Variants in CDH6 observed in about 807,000 individuals in gnomAD.
CDH6 encodes cadherin 6.
CDH6 carries 31 observed loss-of-function variants against 78.0 expected under a neutral mutation model. That is an observed-to-expected ratio of 0.40 (90% CI 0.30 to 0.54). CDH6 has a LOEUF of 0.54. Among genes scored for constraint, CDH6 ranks in the 20% least tolerant of loss-of-function variants. The pLI, the probability that CDH6 is intolerant of heterozygous loss-of-function variation, is 0.56. For synonymous variants in CDH6, 376 were observed against 368.8 expected (o/e 1.02, Z -0.23); for missense variants, 724 against 975.9 (o/e 0.74, Z 3.44).
rs924269561 is a variant in CDH6 at position 31,277,039 on chromosome 5, C to T, written c.228+9338C>T. 2.5e-4 allele frequency among the ~76,000 whole-genome samples: 38 copies of T among 152,122 alleles called. 1 individual carries two copies. Among genetic ancestry groups the T allele is most frequent in the Non-Finnish European group, 4.4e-5 (3 of 68,032 alleles). ...CCCACTGATGGCCAATGTTGTGAAG[C>T]CAAGTATTATGGGTCAGAAGATGCT... On this transcript the variant is annotated intron_variant, in intron 2 of 11. Coordinates refer to ENST00000265071, the MANE Select transcript of CDH6 (RefSeq NM_004932.4).
Position 31,294,800 on chromosome 5 carries a change from T to G in CDH6, c.523+544T>G. On this transcript the variant is annotated intron_variant, in intron 3 of 11. Transcript: ENST00000265071. The surrounding 1 kb of genome is among the most constrained non-coding windows in gnomAD (Gnocchi z 4.1). ...ACTACATGGTGGAAATGAAAAGACT[T>G]TCATAACATACATAGAGTGAATTAA... Among the ~76,000 whole-genome samples the G allele has an allele frequency of 6.6e-6, 1 of 152,160 alleles. No homozygotes were observed. Among genetic ancestry groups the G allele is most frequent in the East Asian group, 1.9e-4 (1 of 5,194 alleles).
intron 6 of CDH6, among the ~76,000 whole-genome samples, chr5:31,302,790 GAGAGAGAGAGA>G (rs1369095355): frequency 1.0e-5 from 1 of 95,320 alleles, no homozygotes; most frequent in African/African-American, 4.6e-5. Flanking sequence ...GAGAGAGAGA[GAGAGAGAGAGA>G]AAGAAAGAAA....
chr5:31,311,534 T>A (rs1007903215), intron 7 of CDH6, among the ~76,000 whole-genome samples: 10 of 152,186 alleles, frequency 6.6e-5, no homozygotes, highest in African/African-American at 2.4e-4. Context: ...TTTATAGCAG[T>A]CCCCCACTTT....
At chr5:31,275,545 T>C (rs1374512496) in intron 2 of CDH6, among the ~76,000 whole-genome samples, 3 of 152,240 alleles carry the variant, frequency 2.0e-5, no homozygotes, top group African/African-American at 7.2e-5. Context: ...CATTCTTTTT[T>C]ATGGCTGCAT....
chr5:31,304,730 G>C (rs961049430), intron 6 of CDH6, among the ~76,000 whole-genome samples: 1 of 148,684 alleles, frequency 6.7e-6, no homozygotes, highest in African/African-American at 2.5e-5. Flanking sequence ...CATCTGACAT[G>C]GAATAACCCA....
rs151316656 is a variant in CDH6 at position 31,244,536 on chromosome 5, C to T, written c.-128-22810C>T. 6.8e-4 allele frequency among the ~76,000 whole-genome samples: 104 copies of T among 152,036 alleles called. 2 individuals carry two copies. In the East Asian group the frequency reaches 0.018, roughly 26 times the overall value. On this transcript the variant is annotated intron_variant, in intron 1 of 11. Coordinates refer to ENST00000265071, the MANE Select transcript of CDH6 (RefSeq NM_004932.4). The stretch of plus-strand genomic sequence containing the variant: ...TCATGCTGGAGAGAGGGAAAGCAGA[C>T]AAGAACTGGGGACTGAGAGGGGCTG...
At chr5:31,260,304 G>A (rs1292124635) in intron 1 of CDH6, among the ~76,000 whole-genome samples, 2 of 152,156 alleles carry the variant, frequency 1.3e-5, no homozygotes, top group Admixed American at 6.5e-5. Context: ...TCCAGCCAGC[G>A]TTGTGCGGGG....
chr5:31,270,258 C>T (rs1742485199), intron 2 of CDH6, among the ~76,000 whole-genome samples: 1 of 152,130 alleles, frequency 6.6e-6, no homozygotes, highest in Non-Finnish European at 1.5e-5. Context: ...TCTTGGTTCA[C>T]AGAGCCCTTA....
rs533853472 is a variant in CDH6 at position 31,211,935 on chromosome 5, C to G, written c.-129+18049C>G. On this transcript the variant is annotated intron_variant, in intron 1 of 11. Coordinates refer to ENST00000265071, the MANE Select transcript of CDH6 (RefSeq NM_004932.4). The stretch of plus-strand genomic sequence containing the variant: ...GGGGACAGAATTAAGGAACCATAAC[C>G]ATAAAAGCTCCATATTTAATTAGGA... 2.6e-5 allele frequency among the ~76,000 whole-genome samples: 4 copies of G among 152,196 alleles called. No homozygotes were observed. In the East Asian group the frequency reaches 7.7e-4, roughly 29 times the overall value.
At chr5:31,306,991 A>G (rs1738008157) in intron 7 of CDH6, among the ~76,000 whole-genome samples, 1 of 152,162 alleles carries the variant, frequency 6.6e-6, no homozygotes, top group Admixed American at 6.5e-5. Flanking sequence ...GAGAAAAGCA[A>G]GGGTAAGTCT....
In CDH6 at chr5:31,323,753, A is replaced by G. The variant is rs1738542654; in HGVS notation, c.*445A>G. The G allele has an allele frequency of 8.4e-6, 2 of 239,400 alleles. No homozygotes were observed. The highest frequency in any genetic ancestry group is 5.9e-5 in the East Asian group (1 of 16,834). The allele number at this position is 239,400 out of a possible 1,614,324, so 14.8% of individuals were successfully genotyped here. On this transcript the variant is annotated 3_prime_UTR_variant, in exon 12 of 12. Transcript: ENST00000265071. ...AATGAGGGCATATCGGCTCACAAAG[A>G]GATAAACTACATAGGGGTGTTTATT...
At chr5:31,300,432 T>C (rs1737734594) in intron 5 of CDH6, among the ~76,000 whole-genome samples, 1 of 152,218 alleles carries the variant, frequency 6.6e-6, no homozygotes, top group Non-Finnish European at 1.5e-5. Flanking sequence ...AGGGTAGAGC[T>C]ATACATGGAT....
intron 2 of CDH6, among the ~76,000 whole-genome samples, chr5:31,282,921 AAT>A (rs1742900400): frequency 6.6e-6 from 1 of 152,318 alleles, no homozygotes; most frequent in Non-Finnish European, 1.5e-5. Context: ...AATCTCTGCA[AAT>A]ACAGATCCCT....
At chr5:31,210,503 C>CAATA (rs1740672297) in intron 1 of CDH6, among the ~76,000 whole-genome samples, 1 of 151,992 alleles carries the variant, frequency 6.6e-6, no homozygotes, top group Admixed American at 6.6e-5. Context: ...GACTTCATCT[C>CAATA]AATAAATAAA....
intron 2 of CDH6, among the ~76,000 whole-genome samples, chr5:31,271,263 G>T (rs1265865310): frequency 6.6e-6 from 1 of 152,044 alleles, no homozygotes; most frequent in Non-Finnish European, 1.5e-5. Flanking sequence ...AGTAAGTGAG[G>T]GAAACAAAAG....
intron 1 of CDH6, among the ~76,000 whole-genome samples, chr5:31,203,318 A>C (rs1740418856): frequency 6.9e-6 from 1 of 144,884 alleles, no homozygotes; most frequent in Non-Finnish European, 1.5e-5. Context: ...ACATATGTAT[A>C]CATGTGCCAT....
Position 31,294,564 on chromosome 5 carries a change from C to T in CDH6, c.523+308C>T, listed in dbSNP as rs199705414. On this transcript the variant is annotated intron_variant, in intron 3 of 11. Transcript: ENST00000265071. This position sits in a 1 kb window ranked among gnomAD's most constrained non-coding sequence, Gnocchi z 4.1. ...CCCATTCTCTTTCTTGGGCTGAAAG[C>T]AACCTTCTCCACTTCTCTTAGCCTA... Among the ~76,000 whole-genome samples the T allele has an allele frequency of 2.0e-5, 2 of 102,494 alleles. No individual in the cohort carries two copies. The highest frequency in any genetic ancestry group is 4.3e-5 in the Non-Finnish European group (2 of 46,322). The allele number at this position is 102,494 out of a possible 152,430, so 67.2% of individuals were successfully genotyped here.
intron 1 of CDH6, among the ~76,000 whole-genome samples, chr5:31,260,832 A>G (rs1178820918): frequency 6.6e-6 from 1 of 152,208 alleles, no homozygotes; most frequent in Admixed American, 6.5e-5. Context: ...ATTTTACTCA[A>G]CAGTGACTTT....
At chr5:31,256,300 A>T (rs989950289) in intron 1 of CDH6, among the ~76,000 whole-genome samples, 1 of 152,180 alleles carries the variant, frequency 6.6e-6, no homozygotes, top group Admixed American at 6.5e-5. Flanking sequence ...TTTTTTAATT[A>T]GTGGGGATTA....
Sources: gnomAD v4.1 joint callset for allele counts (sites outside exome capture counted in the v4.1 genomes callset) on GRCh38, gnomAD v4.1.1 for gene constraint, Gnocchi (gnomAD v3.1) non-coding constraint, MANE v1.5 for transcripts, NCBI Gene and HGNC (gene_info 2026-07-23, HGNC 2026-07-21) for gene names.